TYW1: variants seen among roughly 807,000 people sequenced by gnomAD.
TYW1 encodes the protein S-adenosyl-L-methionine-dependent tRNA 4-demethylwyosine synthase TYW1.
Under a neutral mutation model 96.2 loss-of-function variants are expected in TYW1, and 46 were observed. The observed-to-expected ratio is 0.48, with a 90% confidence interval of 0.38 to 0.61. The LOEUF is 0.61. Ranked by LOEUF, TYW1 falls within the 20% of genes least tolerant of loss-of-function variation. The probability of loss-of-function intolerance (pLI) is 0.00; values close to 1 mark genes in which losing one functional copy is unlikely to be tolerated. For missense variants in TYW1, 684 were observed against 909.6 expected, an observed-to-expected ratio of 0.75 and a Z score of 3.19; for synonymous variants, 274 against 323.0, an observed-to-expected ratio of 0.85 and a Z score of 1.63.
intron 12 of TYW1, among the ~76,000 whole-genome samples, chr7:67,107,152 T>C (rs1350916812): frequency 2.0e-5 from 3 of 152,226 alleles, no homozygotes; most frequent in African/African-American, 7.2e-5. Flanking sequence ...GCAGTTTTCT[T>C]GTATGTGTTA....
chr7:67,131,663 C>T (rs921268311), intron 13 of TYW1, among the ~76,000 whole-genome samples: 4 of 152,108 alleles, frequency 2.6e-5, no homozygotes, highest in African/African-American at 9.7e-5. Flanking sequence ...AGAATTGACT[C>T]GCACTATCAC....
rs774649656 is a variant in TYW1 at position 67,195,277 on chromosome 7, C to T, written c.1917C>T (p.Pro639=). Residue 639 remains proline (P), a synonymous_variant, in exon 15 of 16, where the codon CCC becomes CCT. Coordinates refer to ENST00000359626, the MANE Select transcript of TYW1 (RefSeq NM_018264.4). ...TCCACGAGTTGGTGGATCTGATCCC[C>T]GAATATGAAATTGCATGTGAACACG... is the stretch of plus-strand genomic sequence containing the variant. ...QFVHELVDLI[P]EYEIACEHEH... 14 of 1,610,618 alleles carry T rather than the reference C, an allele frequency of 8.7e-6. No homozygotes were observed. Among genetic ancestry groups the T allele is most frequent in the South Asian group, 5.5e-5 (5 of 90,894 alleles).
intron 12 of TYW1, among the ~76,000 whole-genome samples, chr7:67,114,794 T>A (rs1797539595): frequency 4.6e-5 from 7 of 152,124 alleles, no homozygotes; most frequent in Admixed American, 3.9e-4. Flanking sequence ...ATAAGATCCC[T>A]AAAGCTCAGA....
rs370065083 is a variant in TYW1 at position 67,009,614 on chromosome 7, C to T, written c.305C>T (p.Thr102Ile). The T allele has an allele frequency of 1.1e-5, 18 of 1,612,414 alleles. No individual in the cohort carries two copies. Among genetic ancestry groups the T allele is most frequent in the African/African-American group, 9.4e-5 (7 of 74,822 alleles). ...GFATVLAEAV[T>I]SLDLPVAIIN... ...GCAACAGTTCTTGCTGAAGCAGTTA[C>T]ATCCCTGGATCTGCCTGTGGCCATT... is the stretch of plus-strand genomic sequence containing the variant. Residue 102 changes from threonine (T) to isoleucine (I), a missense_variant, in exon 4 of 16, where the codon ACA becomes ATA. Transcript: ENST00000359626.
chr7:67,096,373 C>T (rs1295064739), intron 11 of TYW1, among the ~76,000 whole-genome samples: 1 of 151,970 alleles, frequency 6.6e-6, no homozygotes, highest in African/African-American at 2.4e-5. Flanking sequence ...GGTGATGGAG[C>T]GCAACTCCAT....
chr7:67,201,336 A>G (rs1235664147), intron 15 of TYW1, among the ~76,000 whole-genome samples: 1 of 109,630 alleles, frequency 9.1e-6, no homozygotes, highest in African/African-American at 4.1e-5. Flanking sequence ...AACAACAACA[A>G]CAACAACAAA....
At chr7:67,153,798 G>A (rs1408788995) in intron 13 of TYW1, among the ~76,000 whole-genome samples, 3 of 151,836 alleles carry the variant, frequency 2.0e-5, no homozygotes, top group Admixed American at 1.3e-4. Flanking sequence ...CTGCCTACAA[G>A]TTGCTTTTTT....
At chr7:67,097,166 C>T (rs1796946713) in intron 11 of TYW1, among the ~76,000 whole-genome samples, 1 of 151,724 alleles carries the variant, frequency 6.6e-6, no homozygotes, top group African/African-American at 2.4e-5. Context: ...TTGCCTGCAC[C>T]CCTCCGCCAG....
intron 10 of TYW1, among the ~76,000 whole-genome samples, chr7:67,070,055 C>T (rs1795985676): frequency 6.6e-6 from 1 of 151,836 alleles, no homozygotes; most frequent in African/African-American, 2.4e-5. Context: ...TATGCTCTCC[C>T]ACTGCCTTCT....
chr7:66,997,062 G>C, intron 1 of TYW1, 80 bp downstream of exon 1: 9 of 1,599,984 alleles, frequency 5.6e-6, no homozygotes, highest in African/African-American at 1.3e-5. Context: ...GGGCGGAGTG[G>C]CGTCCTCGGT....
chr7:67,218,797 T>C (rs1413013349), intron 15 of TYW1, among the ~76,000 whole-genome samples: 1 of 152,214 alleles, frequency 6.6e-6, no homozygotes, highest in Non-Finnish European at 1.5e-5. Flanking sequence ...TTAAACAGTT[T>C]TTTGGTTGAA....
In TYW1 at chr7:67,007,157, T is replaced by G. The variant is rs188223364; in HGVS notation, c.274-2426T>G. ...GCTGTGGGCTAATTCTTTATTTGCA[T>G]ATGGTATAACTCCACTGCAGCCTCT... On this transcript the variant is annotated intron_variant, in intron 3 of 15. Coordinates refer to ENST00000359626, the MANE Select transcript of TYW1 (RefSeq NM_018264.4). Among the ~76,000 whole-genome samples the G allele has an allele frequency of 2.6e-4, 40 of 152,028 alleles. No individual in the cohort carries two copies. In the East Asian group the frequency reaches 6.4e-3, roughly 24 times the overall value.
intron 13 of TYW1, among the ~76,000 whole-genome samples, chr7:67,182,344 C>G (rs1300847021): frequency 6.6e-6 from 1 of 152,114 alleles, no homozygotes; most frequent in African/African-American, 2.4e-5. Flanking sequence ...ATGAGGGTCA[C>G]TTAAGGCCGA....
chr7:67,117,447 A>G lies in TYW1; in HGVS notation c.1563-36A>G, dbSNP rs765327724. 2.5e-6 allele frequency: 4 copies of G among 1,587,986 alleles called. No homozygotes were observed. The Admixed American group carries it at 7.5e-5, about 30-fold the overall frequency. On this transcript the variant is annotated intron_variant, in intron 12 of 15. Coordinates refer to ENST00000359626, the MANE Select transcript of TYW1 (RefSeq NM_018264.4). ...TCATGGAAAGCCTGATAGAGGAATA[A>G]TTTTTCTTTCTTCTTTTAAAAAAAA...
At chr7:67,116,209 C>G (rs1181360430) in intron 12 of TYW1, among the ~76,000 whole-genome samples, 5 of 151,728 alleles carry the variant, frequency 3.3e-5, no homozygotes, top group African/African-American at 1.2e-4. Flanking sequence ...ACTTGTAATC[C>G]CAGCTACTTA....
At chr7:67,067,224 G>C in intron 9 of TYW1, 61 bp from the exon 10 acceptor site, 1 of 1,528,594 alleles carries the variant, frequency 6.5e-7, no homozygotes, top group Non-Finnish European at 9.1e-7. Flanking sequence ...ATGATGCCTT[G>C]GTGGTTTGTT....
At chr7:67,132,635 C>G (rs1290042196) in intron 13 of TYW1, among the ~76,000 whole-genome samples, 1 of 151,432 alleles carries the variant, frequency 6.6e-6, no homozygotes, top group African/African-American at 2.4e-5. Context: ...GCAACTATTA[C>G]CACCATCCAT....
At chr7:67,071,875 G>C (rs1211463728) in intron 10 of TYW1, among the ~76,000 whole-genome samples, 1 of 151,982 alleles carries the variant, frequency 6.6e-6, no homozygotes, top group Non-Finnish European at 1.5e-5. Context: ...ACCCGCCTTG[G>C]CCTTCCAAAG....
intron 15 of TYW1, among the ~76,000 whole-genome samples, chr7:67,197,849 T>C (rs1325319128): frequency 5.9e-5 from 9 of 152,024 alleles, no homozygotes; most frequent in Non-Finnish European, 8.8e-5. Context: ...ACAAAGGACA[T>C]AGATTTGCAA....
Sources: allele counts gnomAD v4.1 joint callset (sites outside exome capture counted in the v4.1 genomes callset), GRCh38; gene constraint gnomAD v4.1.1; transcripts MANE v1.5; gene names NCBI Gene and HGNC (gene_info 2026-07-23, HGNC 2026-07-21).